Variants in TRPC6 observed in about 807,000 individuals in gnomAD.
The protein encoded by TRPC6 is transient receptor potential cation channel subfamily C member 6, also known as short transient receptor potential channel 6.
Under a neutral mutation model 90.7 loss-of-function variants are expected in TRPC6, and 55 were observed. That is an observed-to-expected ratio of 0.61 (90% CI 0.49 to 0.76). TRPC6 has a LOEUF of 0.76. TRPC6 is among the 30% of genes least tolerant of loss of function. The pLI is 0.00. For missense variants in TRPC6, 989 were observed against 1,122.7 expected (o/e 0.88, Z 1.70); for synonymous variants, 393 against 393.0 (o/e 1.00, Z 0.00).
At chr11:101,570,085 C>G (rs1248577028) in intron 1 of TRPC6, among the ~76,000 whole-genome samples, 2 of 151,994 alleles carry the variant, frequency 1.3e-5, no homozygotes, top group Non-Finnish European at 2.9e-5. Flanking sequence ...AATCCAGGAA[C>G]TGGCTTTTTG....
In TRPC6 at chr11:101,516,108, GA is replaced by G. The variant is rs10635008; in HGVS notation, c.171-11311del. On this transcript the variant is annotated intron_variant, in intron 1 of 12. Coordinates refer to ENST00000344327, the MANE Select transcript of TRPC6 (RefSeq NM_004621.6). ...TGAATTTCTTTTAAAATGCAGCTGG[GA>G]AAAAAAAAAAAAAGCAGAGTTTCAA... 2.9e-3 allele frequency among the ~76,000 whole-genome samples: 387 copies of G among 133,250 alleles called. 2 individuals carry two copies. The highest frequency in any genetic ancestry group is 0.01 in the East Asian group (46 of 4,524). 87.4% of individuals were successfully genotyped at this position (133,250 alleles called of 152,430 possible). A position where few individuals can be genotyped will look rare whatever the true frequency, so the allele number is the denominator to read the frequency against.
chr11:101,470,362 T>C (rs900925036), intron 9 of TRPC6, among the ~76,000 whole-genome samples: 13 of 152,320 alleles, frequency 8.5e-5, no homozygotes, highest in Middle Eastern at 3.4e-3. Context: ...TCACTTTCAA[T>C]CTTCCTTTTT....
intron 1 of TRPC6, among the ~76,000 whole-genome samples, chr11:101,559,410 G>T (rs1293326475): frequency 6.6e-6 from 1 of 152,116 alleles, no homozygotes; most frequent in Non-Finnish European, 1.5e-5. Context: ...AGAAGCACTA[G>T]CCCAGCAATT....
At chr11:101,462,279 T>G (rs950904620) in intron 10 of TRPC6, among the ~76,000 whole-genome samples, 3 of 152,234 alleles carry the variant, frequency 2.0e-5, no homozygotes, top group African/African-American at 7.2e-5. Flanking sequence ...TGCTTAGGAT[T>G]GTCTAGGCTA....
chr11:101,472,371 G>A, intron 7 of TRPC6, 39 bp from the exon 8 acceptor site: 3 of 1,566,112 alleles, frequency 1.9e-6, no homozygotes, highest in Non-Finnish European at 2.6e-6. Flanking sequence ...ATAAGAAAGT[G>A]TATAAATAAA....
chr11:101,504,950 A>T (rs907069304), intron 1 of TRPC6, 152 bp from the exon 2 acceptor site: 16 of 1,003,596 alleles, frequency 1.6e-5, no homozygotes, highest in African/African-American at 3.4e-5. Flanking sequence ...AGATGCATTT[A>T]TTTGTTAATG....
intron 1 of TRPC6, among the ~76,000 whole-genome samples, chr11:101,526,197 A>G (rs1258107156): frequency 2.0e-5 from 3 of 152,112 alleles, no homozygotes; most frequent in Non-Finnish European, 4.4e-5. Flanking sequence ...TTTAACAATG[A>G]CCACTCATAG....
At chr11:101,501,214 C>T (rs532821429) in intron 2 of TRPC6, among the ~76,000 whole-genome samples, 2 of 151,096 alleles carry the variant, frequency 1.3e-5, no homozygotes, top group Admixed American at 1.3e-4. Context: ...ATCCAGCCCT[C>T]AGTGACTTTT....
At chr11:101,578,754 A>G (rs1862125531) in intron 1 of TRPC6, among the ~76,000 whole-genome samples, 2 of 152,226 alleles carry the variant, frequency 1.3e-5, no homozygotes, top group Admixed American at 6.5e-5. Flanking sequence ...GACTCCATTA[A>G]TAACAAGAGA....
At chr11:101,552,521 A>G (rs531728188) in intron 1 of TRPC6, among the ~76,000 whole-genome samples, 1 of 152,236 alleles carries the variant, frequency 6.6e-6, no homozygotes, top group Admixed American at 6.5e-5. Context: ...CAAACTAAGG[A>G]GGTGAGTCAG....
chr11:101,564,488 C>A (rs1457679114), intron 1 of TRPC6, among the ~76,000 whole-genome samples: 1 of 152,086 alleles, frequency 6.6e-6, no homozygotes, highest in Non-Finnish European at 1.5e-5. Flanking sequence ...TGCTCCAGTA[C>A]ATGCTTATAG....
At chr11:101,462,185 G>A (rs1017178955) in intron 10 of TRPC6, among the ~76,000 whole-genome samples, 2 of 139,724 alleles carry the variant, frequency 1.4e-5, no homozygotes, top group South Asian at 4.4e-4. Context: ...ATCTGTTTTG[G>A]TACCAGTACC....
At chr11:101,540,674 G>A (rs1275106043) in intron 1 of TRPC6, among the ~76,000 whole-genome samples, 1 of 152,190 alleles carries the variant, frequency 6.6e-6, no homozygotes, top group African/African-American at 2.4e-5. Context: ...TAATTTTCAT[G>A]TAAGGAGTCC....
intron 7 of TRPC6, among the ~76,000 whole-genome samples, chr11:101,472,812 A>ATT (rs1859323071): frequency 1.3e-5 from 2 of 152,210 alleles, no homozygotes; most frequent in Non-Finnish European, 2.9e-5. Flanking sequence ...ATTATTGACC[A>ATT]AAGCTAAGCC....
chr11:101,551,472 CTT>C (rs887808824), intron 1 of TRPC6, among the ~76,000 whole-genome samples: 2 of 151,754 alleles, frequency 1.3e-5, no homozygotes, highest in African/African-American at 4.8e-5. Context: ...TAAAAAATAA[CTT>C]AATACAAATT....
intron 9 of TRPC6, 112 bp from the exon 10 acceptor site, chr11:101,469,613 C>A: frequency 1.6e-6 from 1 of 623,830 alleles, no homozygotes. Context: ...ATGAGAGAAA[C>A]ATATTCTTAC....
At chr11:101,493,378 C>G (rs1859873029) in intron 2 of TRPC6, among the ~76,000 whole-genome samples, 1 of 152,144 alleles carries the variant, frequency 6.6e-6, no homozygotes, top group Admixed American at 6.5e-5. Context: ...GTGGGTTGGA[C>G]AAGCTTGAGC....
At chr11:101,456,240 G>A (rs1858880438) in intron 10 of TRPC6, among the ~76,000 whole-genome samples, 2 of 152,182 alleles carry the variant, frequency 1.3e-5, no homozygotes, top group African/African-American at 4.8e-5. Flanking sequence ...CCATGGAACA[G>A]AGGCAAGATG....
intron 1 of TRPC6, among the ~76,000 whole-genome samples, chr11:101,535,007 C>CA (rs539784285): frequency 0.012 from 1,819 of 151,064 alleles, 33 homozygotes; most frequent in African/African-American, 0.042. Flanking sequence ...ATTAAAAATA[C>CA]AAAAAAAAAT....
Sources: allele counts gnomAD v4.1 joint callset (sites outside exome capture counted in the v4.1 genomes callset), GRCh38; gene constraint gnomAD v4.1.1; transcripts MANE v1.5; gene names NCBI Gene and HGNC (gene_info 2026-07-23, HGNC 2026-07-21).